Variants in USP32 observed in about 807,000 individuals in gnomAD.
The protein encoded by USP32 is ubiquitin carboxyl-terminal hydrolase 32.
USP32 carries 59 observed loss-of-function variants against 204.8 expected under a neutral mutation model. The ratio of observed to expected loss-of-function variants is 0.29; its 90% CI spans 0.23 to 0.36. The LOEUF is 0.36. USP32 is among the 10% of genes least tolerant of loss of function. The probability of loss-of-function intolerance (pLI) is 1.00; values close to 1 mark genes in which losing one functional copy is unlikely to be tolerated. For missense variants in USP32, 1,160 were observed against 1,946.4 expected (o/e 0.60, Z 7.60); for synonymous variants, 517 against 678.4 (o/e 0.76, Z 3.70).
chr17:60,345,495 G>A lies in USP32; in HGVS notation c.172C>T (p.Pro58Ser), dbSNP rs1373711667. 2.5e-6 allele frequency: 4 copies of A among 1,614,098 alleles called. No individual in the cohort carries two copies. The Middle Eastern group carries it at 4.9e-4, about 200-fold the overall frequency. Reference protein sequence around the residue: ...IREVLGDGVPPKVAEVIYCSF... With the variant: ...IREVLGDGVPSKVAEVIYCSF... ...AAAAAGATTACCTCAGCAACCTTTG[G>A]AGGCACTCCATCCCCAAGCACTTCC... Residue 58 changes from proline to serine, a missense_variant, in exon 2 of 34, where the codon CCA becomes TCA. Pro to Ser is a moderately conservative substitution (Grantham distance 74). Transcript: ENST00000300896.
intron 14 of USP32, among the ~76,000 whole-genome samples, chr17:60,222,756 G>C (rs1191643374): frequency 7.2e-6 from 1 of 139,504 alleles, no homozygotes; most frequent in East Asian, 2.1e-4. Context: ...ATCTTCGCTT[G>C]CTGCAGCCTC....
intron 31 of USP32, 52 bp from the exon 32 acceptor site, chr17:60,181,800 G>A: frequency 6.4e-7 from 1 of 1,568,554 alleles, no homozygotes; most frequent in Non-Finnish European, 8.6e-7. Context: ...CACAAAGTAA[G>A]CCAGCCCCAA....
At chr17:60,215,599 C>G (rs1406264476) in intron 16 of USP32, among the ~76,000 whole-genome samples, 5 of 151,972 alleles carry the variant, frequency 3.3e-5, no homozygotes. Context: ...AATCACTAAT[C>G]CCATCACTTT....
intron 2 of USP32, among the ~76,000 whole-genome samples, chr17:60,312,499 C>G (rs772747312): frequency 6.6e-6 from 1 of 151,364 alleles, no homozygotes; most frequent in East Asian, 1.9e-4. Context: ...AACCACAGCT[C>G]ATCGCAGCCT....
chr17:60,197,900 A>G (rs2084565871), intron 27 of USP32, among the ~76,000 whole-genome samples: 1 of 152,248 alleles, frequency 6.6e-6, no homozygotes, highest in Non-Finnish European at 1.5e-5. Context: ...TCACGTATGC[A>G]GTCACTCTCA....
intron 1 of USP32, among the ~76,000 whole-genome samples, chr17:60,397,161 A>G (rs560826111): frequency 1.3e-5 from 2 of 152,362 alleles, no homozygotes; most frequent in South Asian, 4.1e-4. Context: ...ATAGAATAAT[A>G]TGGACTCCAA....
At chr17:60,360,245 G>A (rs1220049450) in intron 1 of USP32, among the ~76,000 whole-genome samples, 1 of 152,012 alleles carries the variant, frequency 6.6e-6, no homozygotes, top group Non-Finnish European at 1.5e-5. Context: ...GATGCGAGGT[G>A]GCCTTCTGAC....
chr17:60,286,136 C>CAA (rs1170911336), intron 5 of USP32, among the ~76,000 whole-genome samples: 74 of 84,222 alleles, frequency 8.8e-4, no homozygotes, highest in African/African-American at 2.1e-3. Context: ...ACAGTGTGTC[C>CAA]AAAAAAAAAA....
chr17:60,225,733 C>T lies in USP32; in HGVS notation c.1432+306G>A, dbSNP rs149879224. On this transcript the variant is annotated intron_variant, in intron 13 of 33. Coordinates refer to ENST00000300896, the MANE Select transcript of USP32 (RefSeq NM_032582.4). ...CTTTGGGAGGCCGAGGCAGGCAGAT[C>T]ACGAGGTTGGGAGTTCAAGACCAGC... 8.7e-3 allele frequency among the ~76,000 whole-genome samples: 1,328 copies of T among 152,144 alleles called. 26 individuals are homozygous for T. The highest frequency in any genetic ancestry group is 0.029 in the African/African-American group (1,220 of 41,520).
chr17:60,179,186 T>C lies in USP32; in HGVS notation c.*69A>G. 6.5e-7 allele frequency: 1 copy of C among 1,527,540 alleles called. No homozygotes were observed. The highest frequency in any genetic ancestry group is 8.9e-7 in the Non-Finnish European group (1 of 1,129,236). The allele number at this position is 1,527,540 out of a possible 1,614,324, so 94.6% of individuals were successfully genotyped here. Reference sequence around the variant, plus strand: ...TTTAGCTTGCCTTTCAGTGACGCTTTTGCCAAATGTCAGCTACAAGGAGTC... The same window carrying C: ...TTTAGCTTGCCTTTCAGTGACGCTTCTGCCAAATGTCAGCTACAAGGAGTC... On this transcript the variant is annotated 3_prime_UTR_variant, in exon 34 of 34. Transcript: ENST00000300896.
chr17:60,323,470 G>C (rs866106769), intron 2 of USP32, among the ~76,000 whole-genome samples: 7 of 152,176 alleles, frequency 4.6e-5, no homozygotes, highest in Non-Finnish European at 8.8e-5. Flanking sequence ...TGAGAGGAGA[G>C]GATGAAGAAA....
chr17:60,201,933 A>G, intron 26 of USP32, among the ~76,000 whole-genome samples: 1 of 152,232 alleles, frequency 6.6e-6, no homozygotes, highest in East Asian at 1.9e-4. Context: ...CTGGGATTAT[A>G]GGCGTGAGCC....
At chr17:60,327,249 G>A (rs529080381) in intron 2 of USP32, among the ~76,000 whole-genome samples, 1 of 152,326 alleles carries the variant, frequency 6.6e-6, no homozygotes, top group South Asian at 2.1e-4. Flanking sequence ...GATGGCAACG[G>A]CGAGCCTTCT....
At chr17:60,297,978 C>A (rs546430692) in intron 3 of USP32, among the ~76,000 whole-genome samples, 22 of 152,264 alleles carry the variant, frequency 1.4e-4, no homozygotes, top group African/African-American at 4.8e-4. Flanking sequence ...GACCACTGAC[C>A]ATGGACTGGT....
rs576644073 is a variant in USP32, at chr17:60,390,588, C to T, written c.58+1294G>A. 3.9e-5 allele frequency among the ~76,000 whole-genome samples: 6 copies of T among 152,272 alleles called. No individual in the cohort carries two copies. The South Asian group carries it at 1.2e-3, about 32-fold the overall frequency. On this transcript the variant is annotated intron_variant, in intron 1 of 33. Transcript: ENST00000300896. ...GCATATCTGTGTTATTCTGGTAAAT[C>T]CACCACCACCAATACATCTCAATTC...
At chr17:60,281,475 T>G (rs142358232) in intron 5 of USP32, among the ~76,000 whole-genome samples, 49 of 151,836 alleles carry the variant, frequency 3.2e-4, no homozygotes, top group African/African-American at 8.7e-4. Context: ...AGGATGGAGG[T>G]TGCAGTGAGC....
At chr17:60,286,207 G>C (rs557887723) in intron 5 of USP32, among the ~76,000 whole-genome samples, 17 of 151,766 alleles carry the variant, frequency 1.1e-4, no homozygotes, top group South Asian at 2.1e-4. Flanking sequence ...AAGAACAGTA[G>C]AAATTAACAC....
At chr17:60,300,204 C>T (rs1464651758) in intron 3 of USP32, among the ~76,000 whole-genome samples, 1 of 152,128 alleles carries the variant, frequency 6.6e-6, no homozygotes, top group Non-Finnish European at 1.5e-5. Context: ...TAAACAGCTG[C>T]CATACTTCCC....
In USP32 at chr17:60,341,195, T is replaced by G. The variant is rs184062438; in HGVS notation, c.186+4286A>C. ...GTATCTTTGTGGTGTTCTCTGTTCC[T>G]GAATTTGAATGTTGGCCTGCCTTGC... On this transcript the variant is annotated intron_variant, in intron 2 of 33. Coordinates refer to ENST00000300896, the MANE Select transcript of USP32 (RefSeq NM_032582.4). Among the ~76,000 whole-genome samples the G allele has an allele frequency of 5.9e-5, 9 of 152,340 alleles. No individual in the cohort carries two copies. The East Asian group carries it at 1.7e-3, about 29-fold the overall frequency.
Sources: allele counts gnomAD v4.1 joint callset (sites outside exome capture counted in the v4.1 genomes callset), GRCh38; gene constraint gnomAD v4.1.1; transcripts MANE v1.5; gene names NCBI Gene and HGNC (gene_info 2026-07-23, HGNC 2026-07-21).